ACSS3: variants seen among roughly 807,000 people sequenced by gnomAD.
ACSS3 encodes acyl-CoA synthetase short-chain family member 3, mitochondrial.
A neutral mutation model predicts 84.2 loss-of-function variants in ACSS3; 64 were observed. The ratio of observed to expected loss-of-function variants is 0.76; its 90% CI spans 0.62 to 0.94. The LOEUF (loss-of-function observed/expected upper bound fraction) is 0.94. Ranked by LOEUF, ACSS3 falls within the 40% of genes least tolerant of loss-of-function variation. ACSS3 has a pLI of 0.00. For synonymous variants in ACSS3, 317 were observed against 310.1 expected (o/e 1.02, Z -0.23); for missense variants, 815 against 867.6 (o/e 0.94, Z 0.76).
chr12:81,212,419 A>G (rs2135929862), intron 9 of ACSS3, among the ~76,000 whole-genome samples: 3 of 152,326 alleles, frequency 2.0e-5, no homozygotes, highest in African/African-American at 7.2e-5. Context: ...TTCTTCCTCT[A>G]CTGAGACACA....
At chr12:81,085,143 C>T (rs1008165969) in intron 1 of ACSS3, among the ~76,000 whole-genome samples, 10 of 152,170 alleles carry the variant, frequency 6.6e-5, no homozygotes, top group African/African-American at 2.4e-4. Context: ...GCCTACTGCT[C>T]AACAGGACTC....
chr12:81,104,750 G>A (rs950318176), intron 1 of ACSS3: 26 of 152,212 alleles, frequency 1.7e-4, no homozygotes, highest in Admixed American at 7.9e-4. Context: ...GGAACCTGGA[G>A]ATTAATTGGG....
intron 9 of ACSS3, among the ~76,000 whole-genome samples, chr12:81,205,907 CT>C (rs2032326463): frequency 6.6e-6 from 1 of 152,052 alleles, no homozygotes; most frequent in African/African-American, 2.4e-5. Context: ...AGCTTGTGTC[CT>C]GTGCAAAATC....
At chr12:81,208,982 A>T (rs1043921077) in intron 9 of ACSS3, among the ~76,000 whole-genome samples, 1 of 152,206 alleles carries the variant, frequency 6.6e-6, no homozygotes, top group Admixed American at 6.5e-5. Flanking sequence ...TTTGAATATC[A>T]TTCTTGGAAT....
At chr12:81,134,211 G>C (rs1029373173) in intron 2 of ACSS3, among the ~76,000 whole-genome samples, 7 of 152,132 alleles carry the variant, frequency 4.6e-5, no homozygotes, top group Non-Finnish European at 7.4e-5. Context: ...ATCGTGTCCT[G>C]TTACAGCATT....
intron 3 of ACSS3, among the ~76,000 whole-genome samples, chr12:81,135,234 G>C (rs78969181): frequency 6.9e-6 from 1 of 144,712 alleles, no homozygotes; most frequent in Non-Finnish European, 1.5e-5. Context: ...ATCAACCTAA[G>C]TGACCATCAA....
intron 7 of ACSS3, chr12:81,174,585 A>T (rs906093772): frequency 4.3e-6 from 2 of 466,534 alleles, no homozygotes; most frequent in Non-Finnish European, 7.3e-6. Context: ...AGGTTTTAGG[A>T]TACTAAAATG....
intron 1 of ACSS3, among the ~76,000 whole-genome samples, chr12:81,091,612 T>A (rs1186770144): frequency 6.6e-6 from 1 of 151,970 alleles, no homozygotes; most frequent in African/African-American, 2.4e-5. Context: ...TTACTTAATT[T>A]ATAAAAATAT....
chr12:81,147,538 C>T (rs987569696), intron 5 of ACSS3, among the ~76,000 whole-genome samples: 2 of 152,120 alleles, frequency 1.3e-5, no homozygotes, highest in African/African-American at 2.4e-5. Flanking sequence ...GAAAGAGGAC[C>T]TGAAAGACAT....
At chr12:81,082,629 G>C (rs1178844257) in intron 1 of ACSS3, among the ~76,000 whole-genome samples, 1 of 152,186 alleles carries the variant, frequency 6.6e-6, no homozygotes, top group Non-Finnish European at 1.5e-5. Context: ...TGGAAGGAGA[G>C]AGCCATATCG....
chr12:81,256,089 GAACTT>G lies in ACSS3; in HGVS notation c.*1170_*1174del, dbSNP rs1370584589. 1.1e-4 allele frequency: 17 copies of G among 152,152 alleles called. No homozygotes were observed. The highest frequency in any genetic ancestry group is 4.1e-4 in the African/African-American group (17 of 41,430). 9.4% of individuals were successfully genotyped at this position (152,152 alleles called of 1,614,324 possible). A position where few individuals can be genotyped will look rare whatever the true frequency, so the allele number is the denominator to read the frequency against. On this transcript the variant is annotated 3_prime_UTR_variant, in exon 16 of 16. Coordinates refer to ENST00000548058, the MANE Select transcript of ACSS3 (RefSeq NM_024560.4). ...TGTAATGTCTAGGTGATTTTGAAGT[GAACTT>G]AAGCCACTAGGTTTGAGGGACAAAG...
intron 5 of ACSS3, chr12:81,143,592 A>C (rs1028599308): frequency 2.0e-5 from 3 of 152,490 alleles, no homozygotes; most frequent in African/African-American, 7.2e-5. Flanking sequence ...TTGGTTTAAT[A>C]ACATTATATA....
intron 11 of ACSS3, among the ~76,000 whole-genome samples, chr12:81,223,455 G>A (rs1593216779): frequency 1.3e-5 from 2 of 152,010 alleles, no homozygotes; most frequent in South Asian, 2.1e-4. Flanking sequence ...TATCCTTTGA[G>A]TATAACTAAG....
intron 13 of ACSS3, among the ~76,000 whole-genome samples, chr12:81,243,141 G>C (rs1374187299): frequency 1.3e-5 from 2 of 152,094 alleles, no homozygotes; most frequent in Admixed American, 6.5e-5. Context: ...TCCTTAAGCT[G>C]ATAAGCAACT....
chr12:81,139,110 A>G (rs377645958), intron 3 of ACSS3, 21 bp from the exon 4 acceptor site: 33 of 1,607,710 alleles, frequency 2.1e-5, no homozygotes, highest in Admixed American at 3.4e-5. Context: ...CTTTCTCTCC[A>G]TTATTATTTT....
intron 9 of ACSS3, among the ~76,000 whole-genome samples, chr12:81,214,278 G>A (rs540995629): frequency 1.5e-3 from 226 of 151,864 alleles, no homozygotes; most frequent in Non-Finnish European, 1.4e-3. Flanking sequence ...CACCAGCCTC[G>A]GCCTCCGAAA....
chr12:81,200,889 C>CAAA (rs35916130), intron 9 of ACSS3, among the ~76,000 whole-genome samples: 1 of 56,522 alleles, frequency 1.8e-5, no homozygotes, highest in African/African-American at 6.3e-5. Context: ...GCAAGACTGT[C>CAAA]AAAAAAAAAA....
At chr12:81,140,679 C>CT (rs1167699950) in intron 4 of ACSS3, among the ~76,000 whole-genome samples, 3 of 152,088 alleles carry the variant, frequency 2.0e-5, no homozygotes, top group African/African-American at 7.2e-5. Context: ...ACCTCAAGCA[C>CT]TTTTTTTAAA....
intron 11 of ACSS3, among the ~76,000 whole-genome samples, chr12:81,223,738 T>G (rs1413193143): frequency 6.6e-6 from 1 of 152,000 alleles, no homozygotes; most frequent in Non-Finnish European, 1.5e-5. Context: ...GAGAAAATCC[T>G]AAGGACCCCA....
Sources: gnomAD v4.1 joint callset for allele counts (sites outside exome capture counted in the v4.1 genomes callset) on GRCh38, gnomAD v4.1.1 for gene constraint, MANE v1.5 for transcripts, NCBI Gene and HGNC (gene_info 2026-07-23, HGNC 2026-07-21) for gene names.